CHD7: variants seen among roughly 807,000 people sequenced by gnomAD.
The protein encoded by CHD7 is chromodomain helicase DNA binding protein 7.
CHD7 carries 24 observed loss-of-function variants against 307.3 expected under a neutral mutation model. The observed-to-expected ratio is 0.08, with a 90% CI of 0.06 to 0.11. The LOEUF is 0.11. Among genes scored for constraint, CHD7 ranks in the 10% least tolerant of loss-of-function variants. The pLI, the probability that CHD7 is intolerant of heterozygous loss-of-function variation, is 1.00. For missense variants in CHD7, 3,106 were observed against 3,727.1 expected, an observed-to-expected ratio of 0.83 and a Z score of 4.34; for synonymous variants, 1,363 against 1,349.9, an observed-to-expected ratio of 1.01 and a Z score of -0.21.
intron 34 of CHD7, among the ~76,000 whole-genome samples, chr8:60,858,018 G>A (rs1253227379): frequency 6.6e-6 from 1 of 152,224 alleles, no homozygotes; most frequent in Non-Finnish European, 1.5e-5. Context: ...CACTCTGGGA[G>A]GCCAAGGCAG....
intron 1 of CHD7, among the ~76,000 whole-genome samples, chr8:60,688,520 A>G (rs1181449207): frequency 1.3e-5 from 2 of 152,240 alleles, no homozygotes; most frequent in Non-Finnish European, 2.9e-5. Flanking sequence ...AGGAGAAGAC[A>G]TTTGAAAATA....
intron 37 of CHD7, chr8:60,862,944 C>T (rs190146062): frequency 1.5e-4 from 50 of 342,836 alleles, no homozygotes; most frequent in African/African-American, 8.1e-4. Context: ...TAACAGCTCA[C>T]CTGTGGAATA....
chr8:60,821,960 T>C, intron 10 of CHD7, 33 bp downstream of exon 10: 1 of 1,613,372 alleles, frequency 6.2e-7, no homozygotes, highest in Non-Finnish European at 8.5e-7. Flanking sequence ...GAATTTAATT[T>C]GAAAATAGCA....
chr8:60,844,148 T>A (rs1220702332), intron 21 of CHD7, among the ~76,000 whole-genome samples: 1 of 152,148 alleles, frequency 6.6e-6, no homozygotes, highest in Non-Finnish European at 1.5e-5. Flanking sequence ...ACTCCATAGC[T>A]CCCAGATGAG....
At chr8:60,719,611 C>T (rs1807794969) in intron 1 of CHD7, among the ~76,000 whole-genome samples, 1 of 152,058 alleles carries the variant, frequency 6.6e-6, no homozygotes, top group African/African-American at 2.4e-5. Context: ...ATAAATAAAG[C>T]CCTGGGGTAA....
intron 9 of CHD7, 134 bp downstream of exon 9, chr8:60,820,224 G>T (rs912241472): frequency 1.1e-5 from 5 of 462,928 alleles, no homozygotes; most frequent in Non-Finnish European, 1.9e-5. Flanking sequence ...AAATTTAACT[G>T]AAACTTAATG....
intron 3 of CHD7, among the ~76,000 whole-genome samples, chr8:60,784,440 T>G (rs1005491590): frequency 4.6e-5 from 7 of 152,208 alleles, no homozygotes; most frequent in Admixed American, 1.3e-4. Flanking sequence ...GCCATATCAT[T>G]GCTGTGTTGT....
At chr8:60,799,887 T>A (rs1812211720) in intron 4 of CHD7, among the ~76,000 whole-genome samples, 1 of 152,160 alleles carries the variant, frequency 6.6e-6, no homozygotes, top group African/African-American at 2.4e-5. Flanking sequence ...CCCAGGCGTC[T>A]GACTCCAGAT....
At chr8:60,781,451 A>G (rs1811227156) in intron 3 of CHD7, 21 bp downstream of exon 3, 2 of 1,506,926 alleles carry the variant, frequency 1.3e-6, no homozygotes, top group Non-Finnish European at 1.8e-6. Flanking sequence ...GGCAGAAAAA[A>G]CAACTGCAAA....
chr8:60,830,455 G>A lies in CHD7; in HGVS notation c.3656G>A (p.Arg1219Gln), dbSNP rs888026080. ...ACAAACATTCAGAAGAAATATTACC[G>A]AGCCATCCTTGAGAAGAATTTCACA... ...ELTNIQKKYYRAILEKNFTFL... is the reference protein window; with the variant it reads ...ELTNIQKKYYQAILEKNFTFL... Residue 1219 changes from arginine to glutamine, a missense_variant, in exon 15 of 38, where the codon CGA (arginine) becomes CAA (glutamine). By Grantham distance (43) the Arg-to-Gln change is conservative. Around this residue, in one of 10 missense-constraint regions of CHD7, gnomAD observed 232 missense variants for 422.5 expected, o/e 0.55. Coordinates refer to ENST00000423902, the MANE Select transcript of CHD7 (RefSeq NM_017780.4). 6.2e-7 allele frequency: 1 copy of A among 1,613,932 alleles called. No individual in the cohort carries two copies. The highest frequency in any genetic ancestry group is 8.5e-7 in the Non-Finnish European group (1 of 1,179,862).
At chr8:60,864,255 G>A (rs1303432950) in intron 37 of CHD7, 1 of 151,976 alleles carries the variant, frequency 6.6e-6, no homozygotes, top group African/African-American at 2.4e-5. Flanking sequence ...AAGTAGCTGG[G>A]ATGACAAGCA....
chr8:60,739,660 G>T (rs983416242), intron 1 of CHD7, among the ~76,000 whole-genome samples: 4 of 152,170 alleles, frequency 2.6e-5, no homozygotes. Context: ...CCTCTCAGGT[G>T]TTATGTCTGT....
In CHD7 at chr8:60,852,199, G is replaced by C; in HGVS notation, c.5846G>C (p.Arg1949Thr). 1 of 1,613,834 alleles carries C rather than the reference G, an allele frequency of 6.2e-7. No homozygotes were observed. Among genetic ancestry groups the C allele is most frequent in the Non-Finnish European group, 8.5e-7 (1 of 1,179,886 alleles). ...AGACGGCGGCCTCGAGAGGAAGTGA[G>C]AGCTCTGGAAGCGGAAAGGGAAGCT... The part of the protein sequence containing the change: ...RRRRRPREEV[R>T]ALEAEREAII... Residue 1949 changes from arginine to threonine, a missense_variant, in exon 29 of 38, where the codon AGA (arginine) becomes ACA (threonine). Physicochemically the swap from Arg to Thr is moderately conservative, Grantham distance 71 (BLOSUM62 -1). Transcript: ENST00000423902.
intron 1 of CHD7, among the ~76,000 whole-genome samples, chr8:60,680,120 G>T (rs938168341): frequency 2.6e-5 from 4 of 151,818 alleles, no homozygotes; most frequent in Admixed American, 2.0e-4. Context: ...AACCCGCCGG[G>T]GGTCAGCGCC....
intron 15 of CHD7, among the ~76,000 whole-genome samples, chr8:60,833,293 C>G (rs1804603640): frequency 6.6e-6 from 1 of 152,154 alleles, no homozygotes; most frequent in Non-Finnish European, 1.5e-5. Flanking sequence ...GTTATTAGCT[C>G]AAGCTTTATT....
intron 1 of CHD7, among the ~76,000 whole-genome samples, chr8:60,687,493 A>G (rs563944995): frequency 6.6e-6 from 1 of 152,222 alleles, no homozygotes; most frequent in African/African-American, 2.4e-5. Context: ...TGCTTTCATT[A>G]ATCTCAAGTG....
In CHD7 at chr8:60,835,421, A is replaced by C. The variant is rs539555249; in HGVS notation, c.3779-652A>C. 2.0e-5 allele frequency among the ~76,000 whole-genome samples: 3 copies of C among 152,240 alleles called. No individual in the cohort carries two copies. In the South Asian group the frequency reaches 6.2e-4, roughly 31 times the overall value. On this transcript the variant is annotated intron_variant, in intron 15 of 37. Transcript: ENST00000423902. ...TAATTTTAAAAGATTTGGATAGTTC[A>C]AGATAGAATTTTTGTATCTTAGGAA...
intron 3 of CHD7, among the ~76,000 whole-genome samples, chr8:60,785,503 A>G (rs1008866926): frequency 6.6e-6 from 1 of 152,234 alleles, no homozygotes; most frequent in Non-Finnish European, 1.5e-5. Context: ...CATTAATAGT[A>G]GTAGTATTTG....
chr8:60,690,443 G>T (rs80284451), intron 1 of CHD7, among the ~76,000 whole-genome samples: 1 of 151,962 alleles, frequency 6.6e-6, no homozygotes, highest in Non-Finnish European at 1.5e-5. Flanking sequence ...ACCAGATTTA[G>T]TATGTTAACT....
Sources: gnomAD v4.1 joint callset for allele counts (sites outside exome capture counted in the v4.1 genomes callset) on GRCh38, gnomAD v4.1.1 for gene constraint, gnomAD v4.1.1 regional missense constraint, MANE v1.5 for transcripts, NCBI Gene and HGNC (gene_info 2026-07-23, HGNC 2026-07-21) for gene names.